Variants in CSMD1 observed in about 807,000 individuals in gnomAD.
CSMD1 encodes the protein CUB and sushi domain-containing protein 1.
A neutral mutation model predicts 417.5 loss-of-function variants in CSMD1; 213 were observed. That is an observed-to-expected ratio of 0.51 (90% CI 0.46 to 0.57). The LOEUF (loss-of-function observed/expected upper bound fraction) is 0.57, where lower values mean the gene tolerates loss of function less well. CSMD1 is among the 20% of genes least tolerant of loss of function. The probability of loss-of-function intolerance (pLI) is 0.00; values close to 1 mark genes in which losing one functional copy is unlikely to be tolerated. For synonymous variants in CSMD1, 2,862 were observed against 1,736.8 expected (o/e 1.65, Z -16.11); for missense variants, 6,923 against 4,529.7 (o/e 1.53, Z -15.17).
Position 3,091,525 on chromosome 8 carries a change from G to A in CSMD1, c.7276C>T (p.Arg2426Cys), listed in dbSNP as rs1287882214. 8 of 1,599,796 alleles carry A rather than the reference G, an allele frequency of 5.0e-6. No homozygotes were observed. Among genetic ancestry groups the A allele is most frequent in the Middle Eastern group, 1.7e-4 (1 of 6,052 alleles). Residue 2426 changes from arginine to cysteine, a missense_variant, in exon 48 of 70, where the codon CGC becomes TGC. Coordinates refer to ENST00000635120, the MANE Select transcript of CSMD1 (RefSeq NM_033225.6). Reference sequence around the variant, plus strand: ...AACCTCATTTACTTACCTGCATAGCGAATCTTGAATCCTTTCTTACTGGTG... The same window carrying A: ...AACCTCATTTACTTACCTGCATAGCAAATCTTGAATCCTTTCTTACTGGTG... ...HATSKKGFKIRYAAPYCSLTH... is the reference protein window; with the variant it reads ...HATSKKGFKICYAAPYCSLTH...
chr8:4,301,493 G>T (rs1227717941), intron 3 of CSMD1, among the ~76,000 whole-genome samples: 1 of 152,172 alleles, frequency 6.6e-6, no homozygotes, highest in Non-Finnish European at 1.5e-5. Context: ...ACTTGCATAA[G>T]ATCTCTATTG....
At position 3,918,601 on chromosome 8, in the gene CSMD1, G is replaced by A. The variant is rs565092700; in HGVS notation, c.818+79302C>T. Among the ~76,000 whole-genome samples, 287 of 152,050 alleles carry A rather than the reference G, an allele frequency of 1.9e-3. 1 individual carries two copies. Among genetic ancestry groups the A allele is most frequent in the African/African-American group, 6.6e-3 (273 of 41,454 alleles). On this transcript the variant is annotated intron_variant, in intron 5 of 69. Coordinates refer to ENST00000635120, the MANE Select transcript of CSMD1 (RefSeq NM_033225.6). ...TGGACATTAACCCCTTATTGAATAC[G>A]TGGTTTGCAATGTGGAACCAGCATA...
At chr8:3,731,491 T>C (rs1177591490) in intron 6 of CSMD1, among the ~76,000 whole-genome samples, 1 of 152,206 alleles carries the variant, frequency 6.6e-6, no homozygotes, top group Admixed American at 6.5e-5. Context: ...GCCCAGCCAC[T>C]GTTGGACAAT....
At chr8:3,597,409 T>A (rs1160657758) in intron 8 of CSMD1, among the ~76,000 whole-genome samples, 2 of 140,956 alleles carry the variant, frequency 1.4e-5, no homozygotes, top group African/African-American at 2.8e-5. Context: ...GAATCCCAAA[T>A]AAAGTAGGGA....
intron 3 of CSMD1, among the ~76,000 whole-genome samples, chr8:4,221,140 G>A (rs1325181945): frequency 6.6e-6 from 1 of 152,132 alleles, no homozygotes; most frequent in African/African-American, 2.4e-5. Context: ...AATGTAAAGA[G>A]CGGAGGAATA....
chr8:3,777,318 G>T (rs1280489502), intron 5 of CSMD1, among the ~76,000 whole-genome samples: 2 of 152,082 alleles, frequency 1.3e-5, no homozygotes, highest in East Asian at 3.9e-4. Flanking sequence ...ACAAATGACT[G>T]ATAATCCTAC....
chr8:3,286,279 A>G (rs1320244365), intron 25 of CSMD1, among the ~76,000 whole-genome samples: 5 of 152,280 alleles, frequency 3.3e-5, no homozygotes, highest in South Asian at 2.1e-4. Context: ...TAGTGCCGCT[A>G]TAAACATACG....
At chr8:3,832,954 G>T (rs188459679) in intron 5 of CSMD1, among the ~76,000 whole-genome samples, 150 of 152,210 alleles carry the variant, frequency 9.9e-4, no homozygotes, top group African/African-American at 3.3e-3. Context: ...ATTTTAACAA[G>T]TGAATATCAA....
At chr8:3,602,899 C>T (rs1032339294) in intron 8 of CSMD1, among the ~76,000 whole-genome samples, 1 of 152,042 alleles carries the variant, frequency 6.6e-6, no homozygotes, top group Non-Finnish European at 1.5e-5. Flanking sequence ...AATATAGGCT[C>T]AAGTAACAAT....
chr8:4,969,736 C>G (rs1810116989), intron 1 of CSMD1, among the ~76,000 whole-genome samples: 1 of 152,030 alleles, frequency 6.6e-6, no homozygotes, highest in African/African-American at 2.4e-5. Flanking sequence ...CACTATTGCA[C>G]TATGCTCCAC....
chr8:4,964,207 C>A (rs1442281381), intron 1 of CSMD1, among the ~76,000 whole-genome samples: 1 of 151,894 alleles, frequency 6.6e-6, no homozygotes, highest in Admixed American at 6.6e-5. Context: ...CATTTTAGAG[C>A]AAAATGAATG....
At chr8:4,597,669 A>C (rs896976137) in intron 2 of CSMD1, among the ~76,000 whole-genome samples, 2 of 152,206 alleles carry the variant, frequency 1.3e-5, no homozygotes, top group Non-Finnish European at 2.9e-5. Context: ...CAATCAGAAA[A>C]AAAATGTTAA....
intron 7 of CSMD1, among the ~76,000 whole-genome samples, chr8:3,629,623 C>T (rs963634930): frequency 6.6e-6 from 1 of 152,216 alleles, no homozygotes; most frequent in East Asian, 1.9e-4. Context: ...CTCTATGATT[C>T]CTATACTCAG....
chr8:4,884,866 T>A (rs953301207), intron 1 of CSMD1, among the ~76,000 whole-genome samples: 1 of 152,074 alleles, frequency 6.6e-6, no homozygotes, highest in Non-Finnish European at 1.5e-5. Context: ...AATTTCAACA[T>A]AAATTTTAGG....
chr8:3,993,402 G>A (rs997145854), intron 5 of CSMD1, among the ~76,000 whole-genome samples: 2 of 152,276 alleles, frequency 1.3e-5, no homozygotes, highest in East Asian at 3.9e-4. Flanking sequence ...TATCAATTAA[G>A]TGACAAGTTG....
chr8:3,655,124 C>G (rs1798039102), intron 7 of CSMD1, among the ~76,000 whole-genome samples: 1 of 152,072 alleles, frequency 6.6e-6, no homozygotes, highest in South Asian at 2.1e-4. Flanking sequence ...ATTAATTTTC[C>G]AAGCTTTAGC....
chr8:4,161,535 T>C (rs1584935007), intron 3 of CSMD1, among the ~76,000 whole-genome samples: 1 of 152,330 alleles, frequency 6.6e-6, no homozygotes, highest in East Asian at 1.9e-4. Context: ...CAAAGTCCAC[T>C]GTGCACCTCC....
intron 2 of CSMD1, among the ~76,000 whole-genome samples, chr8:4,514,157 C>G (rs1016792106): frequency 6.6e-6 from 1 of 152,114 alleles, no homozygotes; most frequent in African/African-American, 2.4e-5. Flanking sequence ...GGTGAGAGCT[C>G]TCTTCCTGGC....
At chr8:3,221,768 C>T (rs1002507151) in intron 28 of CSMD1, among the ~76,000 whole-genome samples, 1 of 152,108 alleles carries the variant, frequency 6.6e-6, no homozygotes, top group Admixed American at 6.5e-5. Context: ...AATGTGTGAG[C>T]CCCACAATCC....
Sources: gnomAD v4.1 joint callset for allele counts (sites outside exome capture counted in the v4.1 genomes callset) on GRCh38, gnomAD v4.1.1 for gene constraint, MANE v1.5 for transcripts, NCBI Gene and HGNC (gene_info 2026-07-23, HGNC 2026-07-21) for gene names.